The following HIVEP3 variants were observed in gnomAD, a reference collection of about 807,000 sequenced individuals.
HIVEP3 encodes the protein transcription factor HIVEP3.
In HIVEP3, 49 loss-of-function variants were observed where a neutral mutation model predicts 152.8. That is an observed-to-expected ratio of 0.32 (90% confidence interval 0.26 to 0.41). The LOEUF is 0.41. Ranked by LOEUF, HIVEP3 falls within the 10% of genes least tolerant of loss-of-function variation. HIVEP3 has a pLI of 1.00. For synonymous variants in HIVEP3, 1,269 were observed against 1,289.0 expected (o/e 0.98, Z 0.33); for missense variants, 2,790 against 3,103.3 (o/e 0.90, Z 2.40).
At chr1:41,631,550 A>G (rs1318743285) in intron 2 of HIVEP3, among the ~76,000 whole-genome samples, 7 of 152,088 alleles carry the variant, frequency 4.6e-5, no homozygotes, top group African/African-American at 1.7e-4. Context: ...TTTGGCAACC[A>G]TATCGCACTG....
chr1:41,792,408 A>G (rs1338189758), intron 1 of HIVEP3, among the ~76,000 whole-genome samples: 1 of 152,070 alleles, frequency 6.6e-6, no homozygotes, highest in Non-Finnish European at 1.5e-5. Context: ...ACCTCCCTTC[A>G]AGCTTCTCTC....
chr1:41,606,192 TG>T (rs1244995854), intron 3 of HIVEP3, among the ~76,000 whole-genome samples: 1 of 151,956 alleles, frequency 6.6e-6, no homozygotes, highest in Non-Finnish European at 1.5e-5. Flanking sequence ...CAATTTTTGG[TG>T]GTTACCAATT....
chr1:41,823,491 T>C (rs1162091810), intron 1 of HIVEP3, among the ~76,000 whole-genome samples: 1 of 152,232 alleles, frequency 6.6e-6, no homozygotes, highest in Non-Finnish European at 1.5e-5. Context: ...CCATGTTCTG[T>C]GCCACATGCC....
intron 1 of HIVEP3, among the ~76,000 whole-genome samples, chr1:41,808,538 T>C (rs1474436832): frequency 6.6e-6 from 1 of 152,218 alleles, no homozygotes; most frequent in East Asian, 1.9e-4. Context: ...CAAAAAGGTG[T>C]TGTCATGGTG....
intron 1 of HIVEP3, among the ~76,000 whole-genome samples, chr1:41,996,176 T>C (rs12116430): frequency 0.19 from 29,057 of 151,694 alleles, 2,899 homozygotes; most frequent in South Asian, 0.31. Context: ...GAGGATCAAT[T>C]GAGGCCAGGA....
At chr1:41,716,142 C>T (rs374954136) in intron 1 of HIVEP3, among the ~76,000 whole-genome samples, 1 of 152,190 alleles carries the variant, frequency 6.6e-6, no homozygotes, top group Non-Finnish European at 1.5e-5. Context: ...CAAGTCTTAG[C>T]CTCTGAGGCC....
intron 1 of HIVEP3, among the ~76,000 whole-genome samples, chr1:41,965,011 C>T (rs1166599758): frequency 6.6e-6 from 1 of 152,174 alleles, no homozygotes; most frequent in Non-Finnish European, 1.5e-5. Context: ...CAGGAGCATT[C>T]CCACTGGCAT....
At chr1:41,891,990 T>A (rs1008602030) in intron 1 of HIVEP3, among the ~76,000 whole-genome samples, 5 of 152,176 alleles carry the variant, frequency 3.3e-5, no homozygotes, top group African/African-American at 1.2e-4. Context: ...TCAACACTCA[T>A]TTAGTGCAAG....
At chr1:41,672,221 G>T (rs1645888281) in intron 2 of HIVEP3, among the ~76,000 whole-genome samples, 1 of 152,152 alleles carries the variant, frequency 6.6e-6, no homozygotes, top group African/African-American at 2.4e-5. Flanking sequence ...TGGCACATGT[G>T]GGGCAGGCCC....
chr1:41,877,081 A>C (rs950148152), intron 1 of HIVEP3, among the ~76,000 whole-genome samples: 1 of 152,114 alleles, frequency 6.6e-6, no homozygotes, highest in African/African-American at 2.4e-5. Context: ...TAAATCCTAA[A>C]ACTCTTCTTT....
At chr1:41,755,842 C>T (rs915611062) in intron 1 of HIVEP3, among the ~76,000 whole-genome samples, 4 of 152,188 alleles carry the variant, frequency 2.6e-5, no homozygotes, top group East Asian at 1.9e-4. Flanking sequence ...GGAAAGAATG[C>T]GGAGAAATTG....
intron 1 of HIVEP3, among the ~76,000 whole-genome samples, chr1:41,790,835 A>T (rs908764787): frequency 1.4e-4 from 22 of 152,072 alleles, no homozygotes; most frequent in Non-Finnish European, 3.1e-4. Context: ...TTGTCCTAGC[A>T]TATCCCATGC....
intron 1 of HIVEP3, among the ~76,000 whole-genome samples, chr1:41,997,860 G>A (rs569422968): frequency 1.3e-5 from 2 of 152,288 alleles, no homozygotes; most frequent in African/African-American, 4.8e-5. Flanking sequence ...AGAACTCGAA[G>A]GGGCTAAATT....
At chr1:41,947,707 G>A (rs1645082855) in intron 1 of HIVEP3, among the ~76,000 whole-genome samples, 1 of 152,202 alleles carries the variant, frequency 6.6e-6, no homozygotes, top group East Asian at 1.9e-4. Flanking sequence ...ATAGCTCTAG[G>A]AGTCCTTACA....
intron 5 of HIVEP3, among the ~76,000 whole-genome samples, chr1:41,572,242 A>T (rs895216981): frequency 2.6e-5 from 4 of 152,336 alleles, no homozygotes; most frequent in Non-Finnish European, 4.4e-5. Flanking sequence ...GGAGACCCAG[A>T]TGTAGCAATG....
At chr1:41,718,118 A>G (rs564121866) in intron 1 of HIVEP3, among the ~76,000 whole-genome samples, 2 of 152,348 alleles carry the variant, frequency 1.3e-5, no homozygotes, top group South Asian at 4.1e-4. Context: ...CCATATGGGA[A>G]ATTGGCAGGG....
intron 2 of HIVEP3, among the ~76,000 whole-genome samples, chr1:41,656,659 G>C (rs989361885): frequency 1.3e-5 from 2 of 152,206 alleles, no homozygotes; most frequent in African/African-American, 4.8e-5. Flanking sequence ...AACGGGGGTT[G>C]CATTTGTTCA....
intron 1 of HIVEP3, among the ~76,000 whole-genome samples, chr1:41,897,282 C>A (rs1423011963): frequency 6.6e-6 from 1 of 152,154 alleles, no homozygotes; most frequent in Non-Finnish European, 1.5e-5. Flanking sequence ...CAGACATCAC[C>A]TGGGGCACGG....
At chr1:42,001,082 G>A (rs1427355288) in intron 1 of HIVEP3, among the ~76,000 whole-genome samples, 1 of 152,154 alleles carries the variant, frequency 6.6e-6, no homozygotes, top group Non-Finnish European at 1.5e-5. Flanking sequence ...TTTGAATCCA[G>A]GTGGTCTGAT....
Sources: gnomAD v4.1 joint callset for allele counts (sites outside exome capture counted in the v4.1 genomes callset) on GRCh38, gnomAD v4.1.1 for gene constraint, MANE v1.5 for transcripts, NCBI Gene and HGNC (gene_info 2026-07-23, HGNC 2026-07-21) for gene names.